The following SGCD variants were observed in gnomAD, a reference collection of about 807,000 sequenced individuals.
The protein encoded by SGCD is sarcoglycan delta.
A neutral mutation model predicts 36.6 loss-of-function variants in SGCD; 18 were observed. That is an observed-to-expected ratio of 0.49 (90% CI 0.34 to 0.73). SGCD has a LOEUF of 0.73. Ranked by LOEUF, SGCD falls within the 30% of genes least tolerant of loss-of-function variation. The pLI is 0.01. For missense variants in SGCD, 387 were observed against 346.7 expected (o/e 1.12, Z -0.92); for synonymous variants, 133 against 130.6 (o/e 1.02, Z -0.12).
intron 3 of SGCD, among the ~76,000 whole-genome samples, chr5:156,128,734 A>G (rs181834324): frequency 5.3e-4 from 81 of 152,264 alleles, no homozygotes; most frequent in African/African-American, 1.8e-3. Flanking sequence ...CATGTAAGAC[A>G]TGCTTTGTTT....
intron 3 of SGCD, among the ~76,000 whole-genome samples, chr5:156,270,183 T>A (rs72811746): frequency 0.037 from 5,596 of 152,312 alleles, 144 homozygotes; most frequent in South Asian, 0.07. Flanking sequence ...GTCATAGCTG[T>A]GTGGCCTTAT....
intron 1 of SGCD, among the ~76,000 whole-genome samples, chr5:156,015,193 A>T (rs1758943287): frequency 6.6e-6 from 1 of 152,162 alleles, no homozygotes. Context: ...TCTCTAAAGT[A>T]AGGAAAAGGC....
intron 5 of SGCD, 43 bp downstream of exon 5, chr5:156,589,361 C>A: frequency 1.8e-6 from 2 of 1,091,540 alleles, no homozygotes; most frequent in East Asian, 2.6e-5. Flanking sequence ...CCATGCGAGG[C>A]ACTCAGAATA....
intron 7 of SGCD, among the ~76,000 whole-genome samples, chr5:156,677,001 CA>C (rs1347359752): frequency 6.6e-6 from 1 of 152,192 alleles, no homozygotes; most frequent in Non-Finnish European, 1.5e-5. Context: ...GGCCTACCAT[CA>C]GTCTATTTCC....
chr5:155,941,753 T>C (rs1021302618), intron 1 of SGCD, among the ~76,000 whole-genome samples: 11 of 152,126 alleles, frequency 7.2e-5, no homozygotes, highest in African/African-American at 2.7e-4. Flanking sequence ...TACTTATCAT[T>C]ACCTATATTA....
intron 2 of SGCD, among the ~76,000 whole-genome samples, chr5:156,343,112 CAAAA>C (rs5872457): frequency 2.7e-5 from 4 of 148,484 alleles, no homozygotes; most frequent in Admixed American, 6.7e-5. Flanking sequence ...ATCTAAAAAC[CAAAA>C]AAAAAAATCA....
At chr5:156,127,339 C>T (rs971453318) in intron 3 of SGCD, among the ~76,000 whole-genome samples, 1 of 152,144 alleles carries the variant, frequency 6.6e-6, no homozygotes. Flanking sequence ...CATCGAGGCT[C>T]ATGCCTGTAA....
chr5:156,264,153 G>T (rs1239205291), intron 3 of SGCD, among the ~76,000 whole-genome samples: 1 of 151,992 alleles, frequency 6.6e-6, no homozygotes. Flanking sequence ...TTTAAAAATA[G>T]AAAGTGAACG....
upstream of SGCD, among the ~76,000 whole-genome samples, chr5:156,325,776 G>T (rs986698477): frequency 2.6e-5 from 4 of 152,114 alleles, no homozygotes; most frequent in African/African-American, 9.7e-5. Context: ...GATCTCTGGG[G>T]TGTCTCCAAC....
chr5:156,423,243 T>TATATTATA (rs1561685433), intron 3 of SGCD, among the ~76,000 whole-genome samples: 1 of 3,988 alleles, frequency 2.5e-4, no homozygotes, highest in African/African-American at 6.4e-4. Flanking sequence ...TATATTATAT[T>TATATTATA]TTATAATATT....
At chr5:155,987,648 G>C (rs889941924) in intron 1 of SGCD, among the ~76,000 whole-genome samples, 1 of 152,126 alleles carries the variant, frequency 6.6e-6, no homozygotes, top group Non-Finnish European at 1.5e-5. Flanking sequence ...CAATTTTACT[G>C]TCTGCCAGTT....
the SGCD span, among the ~76,000 whole-genome samples, chr5:155,786,601 C>T: frequency 1.3e-5 from 2 of 152,062 alleles, no homozygotes; most frequent in Non-Finnish European, 2.9e-5. Context: ...CAGGTTAAGG[C>T]AAAATATGGT....
At chr5:156,168,538 G>C (rs747016969) in intron 3 of SGCD, among the ~76,000 whole-genome samples, 3 of 152,176 alleles carry the variant, frequency 2.0e-5, no homozygotes, top group South Asian at 2.1e-4. Flanking sequence ...TCATGCCAGT[G>C]CACTCCAGCC....
chr5:156,355,101 T>C (rs981918362), intron 3 of SGCD, among the ~76,000 whole-genome samples: 1 of 152,244 alleles, frequency 6.6e-6, no homozygotes, highest in African/African-American at 2.4e-5. Context: ...TTAGAGCAGA[T>C]ACAGTTTATT....
intron 7 of SGCD, among the ~76,000 whole-genome samples, chr5:156,654,809 C>T (rs1264614288): frequency 1.3e-5 from 2 of 152,150 alleles, no homozygotes; most frequent in Non-Finnish European, 2.9e-5. Context: ...TAATTCTCAT[C>T]TGCCTTCACC....
chr5:156,179,091 T>C (rs6890752), intron 3 of SGCD, among the ~76,000 whole-genome samples: 4,028 of 152,312 alleles, frequency 0.026, 186 homozygotes, highest in African/African-American at 0.092. Context: ...TCTGCTTTCA[T>C]CATTGCTTCC....
At chr5:156,355,985 G>GGTGTGAGT (rs1300569319) in intron 3 of SGCD, among the ~76,000 whole-genome samples, 1 of 152,084 alleles carries the variant, frequency 6.6e-6, no homozygotes, top group Non-Finnish European at 1.5e-5. Context: ...GAAGTGTGAG[G>GGTGTGAGT]GTGTGAGTGT....
chr5:155,977,984 C>A (rs1246075210), intron 1 of SGCD, among the ~76,000 whole-genome samples: 2 of 152,134 alleles, frequency 1.3e-5, no homozygotes, highest in African/African-American at 4.8e-5. Context: ...GTCCCAGCTA[C>A]TCGGGATCCT....
At chr5:155,916,613 A>G (rs144195860) in intron 1 of SGCD, among the ~76,000 whole-genome samples, 3 of 152,290 alleles carry the variant, frequency 2.0e-5, no homozygotes, top group Non-Finnish European at 2.9e-5. Context: ...GTTTCTTTTA[A>G]GTTGCTTCTA....
Sources: gnomAD v4.1 joint callset for allele counts (sites outside exome capture counted in the v4.1 genomes callset) on GRCh38, gnomAD v4.1.1 for gene constraint, MANE v1.5 for transcripts, NCBI Gene and HGNC (gene_info 2026-07-23, HGNC 2026-07-21) for gene names.